PALM2AKAP2: variants seen among roughly 807,000 people sequenced by gnomAD.
PALM2AKAP2 encodes the protein PALM2-AKAP2 fusion protein.
PALM2AKAP2 carries 37 observed loss-of-function variants against 71.5 expected under a neutral mutation model. That is an observed-to-expected ratio of 0.52 (90% CI 0.40 to 0.68). The LOEUF is 0.68. PALM2AKAP2 is among the 30% of genes least tolerant of loss of function. The pLI, the probability that PALM2AKAP2 is intolerant of heterozygous loss-of-function variation, is 0.00. For synonymous variants in PALM2AKAP2, 468 were observed against 478.8 expected (o/e 0.98, Z 0.29); for missense variants, 1,224 against 1,191.8 (o/e 1.03, Z -0.40).
At chr9:109,932,795 A>G (rs1242820846) in intron 6 of PALM2AKAP2, among the ~76,000 whole-genome samples, 1 of 152,222 alleles carries the variant, frequency 6.6e-6, no homozygotes, top group Non-Finnish European at 1.5e-5. Context: ...TTGCATGGTT[A>G]GTTACAACAT....
chr9:110,009,508 A>T (rs1832840607), intron 6 of PALM2AKAP2, among the ~76,000 whole-genome samples: 1 of 151,850 alleles, frequency 6.6e-6, no homozygotes, highest in South Asian at 2.1e-4. Context: ...AGGTCAGGAG[A>T]CCGAGACCAT....
intron 7 of PALM2AKAP2, among the ~76,000 whole-genome samples, chr9:110,041,127 C>T (rs1294714604): frequency 6.6e-6 from 1 of 152,168 alleles, no homozygotes; most frequent in Non-Finnish European, 1.5e-5. Flanking sequence ...TTTGAGGCCT[C>T]TGGAATCAAG....
At chr9:109,655,431 G>T (rs948112234) in intron 1 of PALM2AKAP2, among the ~76,000 whole-genome samples, 6 of 151,486 alleles carry the variant, frequency 4.0e-5, no homozygotes, top group African/African-American at 1.2e-4. Flanking sequence ...TATGTATTTT[G>T]TGTGTGTGGT....
chr9:110,120,796 C>T (rs955426783), intron 1 of PALM2AKAP2, among the ~76,000 whole-genome samples: 5 of 152,222 alleles, frequency 3.3e-5, no homozygotes, highest in African/African-American at 4.8e-5. Context: ...TAAGCCACTG[C>T]GCCCGGGCCA....
chr9:110,068,004 T>A (rs1388357092), intron 1 of PALM2AKAP2, among the ~76,000 whole-genome samples: 1 of 150,948 alleles, frequency 6.6e-6, no homozygotes, highest in African/African-American at 2.5e-5. Flanking sequence ...ATACAATTTG[T>A]GTGGCTTTTA....
rs567076874 is a variant in PALM2AKAP2, at chr9:109,850,900, G to A, written c.46-16591G>A. On this transcript the variant is annotated intron_variant, in intron 1 of 9. Coordinates refer to the PALM2AKAP2 transcript ENST00000302798. ...ACATTAAAACTACCTGGTAGTGGCC[G>A]GGCGTGGTGGCTCACACCTGTAATC... Among the ~76,000 whole-genome samples, 6 of 152,110 alleles carry A rather than the reference G, an allele frequency of 3.9e-5. No homozygotes were observed. The South Asian group carries it at 6.2e-4, about 16-fold the overall frequency.
At chr9:109,674,937 A>G (rs1314678275) in intron 1 of PALM2AKAP2, among the ~76,000 whole-genome samples, 1 of 152,082 alleles carries the variant, frequency 6.6e-6, no homozygotes, top group Non-Finnish European at 1.5e-5. Context: ...TCATACTACA[A>G]GTACACATAT....
At chr9:109,898,616 G>T (rs1830259343) in intron 3 of PALM2AKAP2, among the ~76,000 whole-genome samples, 1 of 152,066 alleles carries the variant, frequency 6.6e-6, no homozygotes, top group African/African-American at 2.4e-5. Flanking sequence ...TAGGAGTCTC[G>T]ATAAAAAACA....
intron 3 of PALM2AKAP2, among the ~76,000 whole-genome samples, chr9:109,889,964 C>A (rs1001787950): frequency 2.0e-5 from 3 of 152,240 alleles, no homozygotes; most frequent in African/African-American, 7.2e-5. Context: ...GGCTTTTTGG[C>A]CTATGATTGC....
chr9:110,068,477 G>A lies in PALM2AKAP2; in HGVS notation c.156+19622G>A, dbSNP rs181239820. On this transcript the variant is annotated intron_variant, in intron 1 of 3. Coordinates refer to ENST00000374525, the Ensembl canonical transcript of PALM2AKAP2. ...GGTCTGAGGTTTGCTCTAGTGGTGGGTCTGAGGTTTTCTCTACTGAGGGCA... is the reference window on the plus strand; with the variant it reads ...GGTCTGAGGTTTGCTCTAGTGGTGGATCTGAGGTTTTCTCTACTGAGGGCA... 1.0e-3 allele frequency among the ~76,000 whole-genome samples: 153 copies of A among 148,502 alleles called. 4 individuals are homozygous for A. Among genetic ancestry groups the A allele is most frequent in the Admixed American group, 2.7e-3 (40 of 15,020 alleles).
chr9:109,780,479 C>T (rs1429209557), exon 1 of PALM2AKAP2: 1 of 1,613,446 alleles, frequency 6.2e-7, no homozygotes. Flanking sequence ...CCTGTGTGCC[C>T]TTCTCCAGGA....
exon 1 of PALM2AKAP2, chr9:110,048,720 G>A (rs980744297): frequency 4.5e-6 from 7 of 1,548,108 alleles, no homozygotes; most frequent in Non-Finnish European, 6.1e-6. Flanking sequence ...CCCAGCCCGG[G>A]GCTGCCGCTC....
intron 1 of PALM2AKAP2, among the ~76,000 whole-genome samples, chr9:109,840,078 C>G (rs1174409305): frequency 6.6e-6 from 1 of 152,134 alleles, no homozygotes; most frequent in African/African-American, 2.4e-5. Context: ...GCCAAAAGAA[C>G]AAAGGTGGAG....
At chr9:110,023,947 TAAAAC>T (rs1256388981) in intron 7 of PALM2AKAP2, among the ~76,000 whole-genome samples, 1 of 152,058 alleles carries the variant, frequency 6.6e-6, no homozygotes, top group African/African-American at 2.4e-5. Context: ...TGAGCTGTGA[TAAAAC>T]AAAAAATAAA....
At chr9:109,823,725 A>T (rs1828071606) in intron 1 of PALM2AKAP2, among the ~76,000 whole-genome samples, 1 of 152,182 alleles carries the variant, frequency 6.6e-6, no homozygotes, top group Admixed American at 6.5e-5. Flanking sequence ...TACAGAATGG[A>T]GATACTGGCC....
intron 1 of PALM2AKAP2, among the ~76,000 whole-genome samples, chr9:109,737,764 A>G (rs536950443): frequency 6.6e-6 from 1 of 152,370 alleles, no homozygotes; most frequent in East Asian, 1.9e-4. Flanking sequence ...GTTCACTCAT[A>G]GGGTTCCAAG....
Position 110,012,700 on chromosome 9 carries a change from C to G in PALM2AKAP2, c.497-3254C>G, listed in dbSNP as rs75884617. On this transcript the variant is annotated intron_variant, in intron 6 of 9. Transcript: ENST00000302798. ...AATGTTTCCTAATGTGAAGTGTTTT[C>G]TTGATGGAAGACTAAAATATTGAGA... 5.3e-5 allele frequency among the ~76,000 whole-genome samples: 8 copies of G among 152,240 alleles called. No homozygotes were observed. In the East Asian group the frequency reaches 7.7e-4, roughly 15 times the overall value.
At chr9:109,762,142 A>G (rs531423925) in intron 1 of PALM2AKAP2, among the ~76,000 whole-genome samples, 2 of 149,908 alleles carry the variant, frequency 1.3e-5, no homozygotes, top group Admixed American at 1.4e-4. Context: ...TTCCTCAAGG[A>G]TCTAGAAGGA....
exon 2 of PALM2AKAP2, chr9:110,138,502 A>T: frequency 1.2e-6 from 2 of 1,612,996 alleles, no homozygotes; most frequent in Middle Eastern, 1.7e-4. Flanking sequence ...AGAATGCCCC[A>T]TCACTGCCCT....
Sources: gnomAD v4.1 joint callset for allele counts (sites outside exome capture counted in the v4.1 genomes callset) on GRCh38, gnomAD v4.1.1 for gene constraint, MANE v1.5 for transcripts, NCBI Gene and HGNC (gene_info 2026-07-23, HGNC 2026-07-21) for gene names.